Variants in DGKB observed in about 807,000 individuals in gnomAD.
DGKB encodes 90 kDa diacylglycerol kinase.
A neutral mutation model predicts 114.3 loss-of-function variants in DGKB; 67 were observed. That is an observed-to-expected ratio of 0.59 (90% CI 0.48 to 0.72). The LOEUF (loss-of-function observed/expected upper bound fraction) is 0.72, where lower values mean the gene tolerates loss of function less well. Among genes scored for constraint, DGKB ranks in the 30% least tolerant of loss-of-function variants. The pLI is 0.00. For missense variants in DGKB, 907 were observed against 975.2 expected (o/e 0.93, Z 0.93); for synonymous variants, 398 against 323.1 (o/e 1.23, Z -2.49).
At chr7:14,375,585 A>G (rs948498746) in intron 21 of DGKB, among the ~76,000 whole-genome samples, 3 of 152,172 alleles carry the variant, frequency 2.0e-5, no homozygotes, top group African/African-American at 7.2e-5. Flanking sequence ...TCTTCCCCCT[A>G]TTAACCACAT....
At chr7:14,664,515 C>T (rs571221224) in intron 13 of DGKB, among the ~76,000 whole-genome samples, 1 of 152,050 alleles carries the variant, frequency 6.6e-6, no homozygotes, top group African/African-American at 2.4e-5. Context: ...TTATCTTGGA[C>T]CTTGTATTTT....
chr7:14,658,019 C>T (rs1816212436), intron 13 of DGKB, among the ~76,000 whole-genome samples: 1 of 151,984 alleles, frequency 6.6e-6, no homozygotes, highest in Non-Finnish European at 1.5e-5. Flanking sequence ...AAAGATTTAA[C>T]ATACTCTATG....
intron 23 of DGKB, among the ~76,000 whole-genome samples, chr7:14,229,395 G>A (rs76696048): frequency 2.1e-3 from 326 of 152,038 alleles, no homozygotes; most frequent in African/African-American, 7.1e-3. Flanking sequence ...GTAGGCAATG[G>A]TAACTTAATG....
intron 21 of DGKB, among the ~76,000 whole-genome samples, chr7:14,457,256 T>C (rs1009877369): frequency 2.0e-5 from 3 of 152,148 alleles, no homozygotes; most frequent in Non-Finnish European, 4.4e-5. Context: ...TATTATTAAG[T>C]AATTACCTAA....
At chr7:14,735,285 C>T (rs1831545215) in intron 5 of DGKB, among the ~76,000 whole-genome samples, 1 of 152,120 alleles carries the variant, frequency 6.6e-6, no homozygotes, top group Non-Finnish European at 1.5e-5. Flanking sequence ...CTAGGCAACC[C>T]CTCACCTCAG....
intron 20 of DGKB, among the ~76,000 whole-genome samples, chr7:14,533,373 T>C (rs1261832753): frequency 6.6e-6 from 1 of 151,580 alleles, no homozygotes; most frequent in African/African-American, 2.4e-5. Context: ...CAAGAATAAA[T>C]AGACTGAATA....
intron 6 of DGKB, among the ~76,000 whole-genome samples, chr7:14,711,529 A>G (rs1002783908): frequency 6.6e-6 from 1 of 152,174 alleles, no homozygotes; most frequent in Non-Finnish European, 1.5e-5. Flanking sequence ...AAGAGATGAA[A>G]TAGGTATAAA....
At chr7:14,894,024 C>T (rs1158134467) in intron 1 of DGKB, among the ~76,000 whole-genome samples, 2 of 151,062 alleles carry the variant, frequency 1.3e-5, no homozygotes, top group African/African-American at 4.9e-5. Flanking sequence ...CATTTAAATG[C>T]CAATAGACCA....
intron 1 of DGKB, among the ~76,000 whole-genome samples, chr7:14,952,810 T>A (rs1046415124): frequency 6.6e-6 from 1 of 151,956 alleles, no homozygotes; most frequent in Non-Finnish European, 1.5e-5. Flanking sequence ...TAATTCCTGA[T>A]TTCAAAACTT....
At position 14,511,216 on chromosome 7, in the gene DGKB, G is replaced by A. The variant is rs539663947; in HGVS notation, c.1771-32991C>T. ...AAAGTCCTAGATAGCATCTTCTTCAGTAAAAGTCTGTTTTGTCTACATTGA... is the reference window on the plus strand; with the variant it reads ...AAAGTCCTAGATAGCATCTTCTTCAATAAAAGTCTGTTTTGTCTACATTGA... On this transcript the variant is annotated intron_variant, in intron 20 of 25. Transcript: ENST00000402815. Among the ~76,000 whole-genome samples the A allele has an allele frequency of 2.3e-4, 35 of 152,274 alleles. 2 individuals are homozygous for A. In the South Asian group the frequency reaches 7.3e-3, roughly 32 times the overall value.
At chr7:14,603,228 G>A (rs954120749) in intron 17 of DGKB, among the ~76,000 whole-genome samples, 2 of 152,090 alleles carry the variant, frequency 1.3e-5, no homozygotes, top group African/African-American at 4.8e-5. Context: ...ACATTTAATT[G>A]GGGGAGAGCT....
At chr7:14,309,385 G>T (rs1029711780) in intron 23 of DGKB, among the ~76,000 whole-genome samples, 3 of 152,020 alleles carry the variant, frequency 2.0e-5, no homozygotes, top group Non-Finnish European at 4.4e-5. Context: ...AAAGCAAAAA[G>T]CAAAAAGCAA....
intron 1 of DGKB, among the ~76,000 whole-genome samples, chr7:14,968,090 CA>C (rs1562911234): frequency 2.0e-5 from 3 of 151,832 alleles, no homozygotes; most frequent in Admixed American, 6.6e-5. Flanking sequence ...CTACCGGTTG[CA>C]AATAGGTAAT....
chr7:14,554,997 T>G (rs1217876290), intron 20 of DGKB, among the ~76,000 whole-genome samples: 5 of 152,188 alleles, frequency 3.3e-5, no homozygotes, highest in Admixed American at 2.6e-4. Context: ...ACCTTTTAGA[T>G]TCTAGATTTC....
At chr7:14,698,221 T>A in intron 7 of DGKB, 52 bp from the exon 8 acceptor site, 1 of 1,146,674 alleles carries the variant, frequency 8.7e-7, no homozygotes, top group Non-Finnish European at 1.2e-6. Context: ...TAGTGAGTTT[T>A]AAATCTTTCA....
chr7:14,394,137 T>A (rs1308520848), intron 21 of DGKB, among the ~76,000 whole-genome samples: 1 of 152,190 alleles, frequency 6.6e-6, no homozygotes, highest in Non-Finnish European at 1.5e-5. Context: ...AGGTTCCAAT[T>A]TTCTCTTTCA....
chr7:14,923,527 CAT>C (rs1267669690), intron 1 of DGKB, among the ~76,000 whole-genome samples: 4 of 152,140 alleles, frequency 2.6e-5, no homozygotes, highest in African/African-American at 9.7e-5. Flanking sequence ...ATTTGAAATT[CAT>C]AATCTCAAAT....
At chr7:14,605,791 A>G (rs117566132) in intron 17 of DGKB, among the ~76,000 whole-genome samples, 4,303 of 152,220 alleles carry the variant, frequency 0.028, 102 homozygotes, top group South Asian at 0.046. Context: ...ATTAATTCAT[A>G]TTTGTACAAA....
At chr7:14,622,125 C>T (rs139496384) in intron 14 of DGKB, among the ~76,000 whole-genome samples, 1 of 152,182 alleles carries the variant, frequency 6.6e-6, no homozygotes, top group African/African-American at 2.4e-5. Context: ...CTAAAATCAC[C>T]AATGACCGTC....
Sources: allele counts gnomAD v4.1 joint callset (sites outside exome capture counted in the v4.1 genomes callset), GRCh38; gene constraint gnomAD v4.1.1; transcripts MANE v1.5; gene names NCBI Gene and HGNC (gene_info 2026-07-23, HGNC 2026-07-21).